The following PMEPA1 variants were observed in gnomAD, a reference collection of about 807,000 sequenced individuals.
PMEPA1 encodes protein TMEPAI.
In PMEPA1, 11 loss-of-function variants were observed where a neutral mutation model predicts 23.0. The observed-to-expected ratio is 0.48, with a 90% confidence interval of 0.30 to 0.79. The LOEUF (loss-of-function observed/expected upper bound fraction) is 0.79, where lower values mean the gene tolerates loss of function less well. PMEPA1 is among the 30% of genes least tolerant of loss of function. PMEPA1 has a pLI of 0.06. For missense variants in PMEPA1, 377 were observed against 390.9 expected, an observed-to-expected ratio of 0.96 and a Z score of 0.30; for synonymous variants, 204 against 166.4, an observed-to-expected ratio of 1.23 and a Z score of -1.74.
intron 1 of PMEPA1, among the ~76,000 whole-genome samples, chr20:57,677,874 G>T (rs1156993313): frequency 6.6e-6 from 1 of 152,202 alleles, no homozygotes; most frequent in African/African-American, 2.4e-5. Flanking sequence ...CAACAAGAAG[G>T]AATGAACTAC....
intron 1 of PMEPA1, among the ~76,000 whole-genome samples, chr20:57,676,758 A>G (rs1009509701): frequency 6.6e-6 from 1 of 152,130 alleles, no homozygotes; most frequent in Non-Finnish European, 1.5e-5. Context: ...ACTGCTGAGC[A>G]CCCACACAGA....
At chr20:57,687,932 G>GT (rs142728442) in intron 1 of PMEPA1, among the ~76,000 whole-genome samples, 3,022 of 152,326 alleles carry the variant, frequency 0.02, 89 homozygotes, top group African/African-American at 0.069. Flanking sequence ...GTCCAGGGAA[G>GT]TAAGTCTGAA....
rs923186270 is a variant in PMEPA1, at chr20:57,652,090, C to T, written c.827G>A (p.Ser276Asn). ...IAPLESAAIW[S>N]KEKDKQKGHP... ...TCCTTTCTGTTTATCCTTCTCTTTG[C>T]TCCAGATGGCTGCGCTCTCTAGGGG... The change falls in exon 4 of 4, where the codon AGC becomes AAC. Residue 276 changes from serine (S) to asparagine (N), a missense_variant. By Grantham distance (46) the Ser-to-Asn change is conservative. This residue lies in a region of PMEPA1 where 176 missense variants were observed against 173.0 expected (regional missense o/e 1.02). Coordinates refer to ENST00000341744, the MANE Select transcript of PMEPA1 (RefSeq NM_020182.5). The surrounding 1 kb of genome is among the most constrained non-coding windows in gnomAD (Gnocchi z 6.1). 100 of 1,546,882 alleles carry T rather than the reference C, an allele frequency of 6.5e-5. No homozygotes were observed. The highest frequency in any genetic ancestry group is 7.9e-5 in the Non-Finnish European group (90 of 1,143,120).
At chr20:57,694,691 G>C (rs1385971361) in intron 1 of PMEPA1, among the ~76,000 whole-genome samples, 1 of 152,236 alleles carries the variant, frequency 6.6e-6, no homozygotes, top group Non-Finnish European at 1.5e-5. Context: ...AGCTCTTGGA[G>C]GGTTGCATGT....
intron 1 of PMEPA1, among the ~76,000 whole-genome samples, chr20:57,700,758 T>C (rs1287807899): frequency 6.6e-6 from 1 of 152,228 alleles, no homozygotes; most frequent in East Asian, 1.9e-4. Flanking sequence ...CCGGGCATGG[T>C]AGCTCACACC....
At chr20:57,691,482 G>A (rs1332222457) in intron 1 of PMEPA1, among the ~76,000 whole-genome samples, 1 of 152,170 alleles carries the variant, frequency 6.6e-6, no homozygotes, top group Non-Finnish European at 1.5e-5. Flanking sequence ...GGGCGAAGGT[G>A]TCCAGGCTAT....
rs531945146 is a variant in PMEPA1 at position 57,659,043 on chromosome 20, G to A, written c.264+500C>T. ...GTCTCCACTCAGCCTCGAGAGATGT[G>A]GGTCAAGACGGGGGTCAGCTTGCGC... On this transcript the variant is annotated intron_variant, in intron 2 of 3. Coordinates refer to ENST00000341744, the MANE Select transcript of PMEPA1 (RefSeq NM_020182.5). Among the ~76,000 whole-genome samples, 3 of 152,336 alleles carry A rather than the reference G, an allele frequency of 2.0e-5. No individual in the cohort carries two copies. In the South Asian group the frequency reaches 6.2e-4, roughly 32 times the overall value.
chr20:57,659,165 C>A (rs931580304), intron 2 of PMEPA1, among the ~76,000 whole-genome samples: 14 of 135,524 alleles, frequency 1.0e-4, no homozygotes, highest in African/African-American at 4.6e-4. Context: ...GCTATCACCA[C>A]TGGGCGTCTC....
At chr20:57,702,093 C>T (rs2072019093) in intron 1 of PMEPA1, among the ~76,000 whole-genome samples, 1 of 152,116 alleles carries the variant, frequency 6.6e-6, no homozygotes, top group Admixed American at 6.5e-5. Context: ...TGAAATGACT[C>T]GTGTTCTTTC....
intron 1 of PMEPA1, among the ~76,000 whole-genome samples, chr20:57,665,384 G>A (rs116248435): frequency 0.018 from 2,687 of 152,068 alleles, 78 homozygotes; most frequent in African/African-American, 0.06. Context: ...GCGTTAGTCC[G>A]CCCGCCCCCT....
At chr20:57,700,040 A>C in intron 1 of PMEPA1, 1 of 471,246 alleles carries the variant, frequency 2.1e-6, no homozygotes, top group Middle Eastern at 3.2e-4. Flanking sequence ...AACCACTGAC[A>C]CTCAGGCAAA....
At chr20:57,706,274 A>G (rs1437728059) in intron 1 of PMEPA1, among the ~76,000 whole-genome samples, 1 of 152,154 alleles carries the variant, frequency 6.6e-6, no homozygotes, top group Non-Finnish European at 1.5e-5. Flanking sequence ...GTTTGAGGCA[A>G]TAACCAGAGG....
intron 2 of PMEPA1, among the ~76,000 whole-genome samples, chr20:57,658,873 AC>A (rs1409828069): frequency 6.6e-6 from 1 of 152,018 alleles, no homozygotes; most frequent in African/African-American, 2.4e-5. Flanking sequence ...CACCTTTCCC[AC>A]CACTACCCCG....
intron 1 of PMEPA1, chr20:57,700,066 G>C: frequency 2.1e-6 from 1 of 471,182 alleles, no homozygotes; most frequent in Non-Finnish European, 4.4e-6. Context: ...GGCTGGATTT[G>C]TCACTTTCAT....
At chr20:57,657,463 G>A (rs916046451) in intron 2 of PMEPA1, among the ~76,000 whole-genome samples, 2 of 152,232 alleles carry the variant, frequency 1.3e-5, no homozygotes, top group Non-Finnish European at 2.9e-5. Context: ...GTGAACCCCT[G>A]AAGTCCCTGA....
Position 57,709,758 on chromosome 20 carries a change from C to A in PMEPA1, c.-176G>T. The A allele has an allele frequency of 1.0e-6, 1 of 980,454 alleles. No homozygotes were observed. The highest frequency in any genetic ancestry group is 1.2e-6 in the Non-Finnish European group (1 of 827,716). The allele number at this position is 980,454 out of a possible 1,614,324, so 60.7% of individuals were successfully genotyped here. On this transcript the variant is annotated 5_prime_UTR_variant, in exon 1 of 4. Transcript: ENST00000341744. ...TCCCGGGGCGCCGCGGGGCTCAGTG[C>A]GCGGGACCGCGCTCCGCTGCGCCCC...
At chr20:57,673,647 G>A (rs769931478) in intron 1 of PMEPA1, among the ~76,000 whole-genome samples, 9 of 152,170 alleles carry the variant, frequency 5.9e-5, no homozygotes, top group Non-Finnish European at 1.0e-4. Context: ...CCACCACCAC[G>A]TGGGACTCCC....
chr20:57,661,902 G>A (rs536886157), intron 1 of PMEPA1, among the ~76,000 whole-genome samples: 10 of 147,528 alleles, frequency 6.8e-5, no homozygotes, highest in African/African-American at 2.3e-4. Flanking sequence ...TCCCCGTCTC[G>A]GGCACTTTAT....
At chr20:57,662,178 T>C (rs1023054461) in intron 1 of PMEPA1, among the ~76,000 whole-genome samples, 1 of 152,192 alleles carries the variant, frequency 6.6e-6, no homozygotes, top group South Asian at 2.1e-4. Flanking sequence ...TTGTCACAAC[T>C]GGGGGGTACT....
Sources: allele counts gnomAD v4.1 joint callset (sites outside exome capture counted in the v4.1 genomes callset), GRCh38; gene constraint gnomAD v4.1.1; regional missense constraint gnomAD v4.1.1; non-coding constraint Gnocchi (gnomAD v3.1); transcripts MANE v1.5; gene names NCBI Gene and HGNC (gene_info 2026-07-23, HGNC 2026-07-21).